Variants in USP7 observed in about 807,000 individuals in gnomAD.
USP7 encodes ubiquitin C-terminal hydrolase 7.
A neutral mutation model predicts 162.9 loss-of-function variants in USP7; 9 were observed. That is an observed-to-expected ratio of 0.06 (90% CI 0.03 to 0.10). The LOEUF (loss-of-function observed/expected upper bound fraction) is 0.10, where lower values mean the gene tolerates loss of function less well. USP7 is among the 10% of genes least tolerant of loss of function. The probability of loss-of-function intolerance (pLI) is 1.00; values close to 1 mark genes in which losing one functional copy is unlikely to be tolerated. For missense variants in USP7, 715 were observed against 1,373.7 expected, an observed-to-expected ratio of 0.52 and a Z score of 7.58; for synonymous variants, 562 against 475.9, an observed-to-expected ratio of 1.18 and a Z score of -2.35.
At chr16:8,930,983 A>AT (rs1304500581) in intron 1 of USP7, among the ~76,000 whole-genome samples, 11 of 151,624 alleles carry the variant, frequency 7.3e-5, no homozygotes, top group Non-Finnish European at 1.6e-4. Flanking sequence ...TAAAAAAAAA[A>AT]AAAAAATCCT....
rs147176623 is a variant in USP7, at chr16:8,903,236, C to G, written c.1839+32G>C. The G allele has an allele frequency of 6.3e-6, 10 of 1,592,420 alleles. No homozygotes were observed. The East Asian group carries it at 2.0e-4, about 32-fold the overall frequency. ...GAAGGAAGGTGGACGTTGGGAGCCA[C>G]GGTGGGGTATATCCACGGGACCGGT... On this transcript the variant is annotated intron_variant, in intron 16 of 30. Transcript: ENST00000344836.
At chr16:8,907,183 C>T (rs1226985166) in intron 12 of USP7, among the ~76,000 whole-genome samples, 2 of 152,232 alleles carry the variant, frequency 1.3e-5, no homozygotes, top group African/African-American at 4.8e-5. Flanking sequence ...GATTCCTAAA[C>T]GATGCCCAAA....
chr16:8,945,932 T>C (rs1190930868), intron 1 of USP7, among the ~76,000 whole-genome samples: 1 of 151,418 alleles, frequency 6.6e-6, no homozygotes, highest in Non-Finnish European at 1.5e-5. Flanking sequence ...GATTGAGAAA[T>C]CACATTACCT....
intron 12 of USP7, among the ~76,000 whole-genome samples, chr16:8,907,945 T>C (rs568692680): frequency 6.6e-6 from 1 of 152,362 alleles, no homozygotes; most frequent in East Asian, 1.9e-4. Flanking sequence ...CAACAAAATA[T>C]TGGAAAATCC....
intron 3 of USP7, among the ~76,000 whole-genome samples, chr16:8,922,514 C>A (rs574909470): frequency 6.6e-6 from 1 of 152,138 alleles, no homozygotes; most frequent in Non-Finnish European, 1.5e-5. Flanking sequence ...TCTGACAGAA[C>A]AGCCAGAGTC....
At chr16:8,942,802 C>G (rs995425887) in intron 1 of USP7, among the ~76,000 whole-genome samples, 1 of 152,312 alleles carries the variant, frequency 6.6e-6, no homozygotes, top group Admixed American at 6.5e-5. Flanking sequence ...CCCAGCTCGG[C>G]CTCCAAAAGT....
chr16:8,930,142 C>G (rs967252841), intron 2 of USP7, 151 bp downstream of exon 2: 2 of 551,224 alleles, frequency 3.6e-6, no homozygotes, highest in African/African-American at 3.9e-5. Flanking sequence ...AACTCAAAAC[C>G]CAAACAGGAT....
At chr16:8,913,392 G>T (rs893609360) in intron 10 of USP7, among the ~76,000 whole-genome samples, 1 of 151,486 alleles carries the variant, frequency 6.6e-6, no homozygotes, top group African/African-American at 2.4e-5. Context: ...GGAGAGAAGA[G>T]AAGTGAAGTG....
chr16:8,951,103 A>T (rs1009987621), intron 1 of USP7, among the ~76,000 whole-genome samples: 3 of 152,252 alleles, frequency 2.0e-5, no homozygotes, highest in Non-Finnish European at 4.4e-5. Context: ...TTCTTCGATC[A>T]GTGACTTAAC....
chr16:8,897,943 G>A (rs1045196993), intron 25 of USP7, among the ~76,000 whole-genome samples: 1 of 151,196 alleles, frequency 6.6e-6, no homozygotes, highest in Non-Finnish European at 1.5e-5. Flanking sequence ...CTTCTGTTTG[G>A]AGCAAGCAGG....
At chr16:8,904,115 G>C (rs1348270425) in intron 15 of USP7, among the ~76,000 whole-genome samples, 2 of 152,138 alleles carry the variant, frequency 1.3e-5, no homozygotes. Context: ...ACAGGGCCAG[G>C]TGTTACAAAT....
intron 1 of USP7, among the ~76,000 whole-genome samples, chr16:8,955,803 T>A (rs932929909): frequency 2.0e-5 from 3 of 151,402 alleles, no homozygotes; most frequent in Non-Finnish European, 4.4e-5. Flanking sequence ...TGCTTGCAAC[T>A]TGAGGTCAAT....
chr16:8,894,533 G>A lies in USP7; in HGVS notation c.3202+17C>T, dbSNP rs777890601. 106 of 1,608,736 alleles carry A rather than the reference G, an allele frequency of 6.6e-5. No homozygotes were observed. The African/African-American group carries it at 8.4e-4, about 13-fold the overall frequency. ...TCTGAAACCCACACCAGCCCCCGGG[G>A]GGGGGAGAACCCTTACCGGGCTGTG... On this transcript the variant is annotated intron_variant, in intron 30 of 30. Transcript: ENST00000344836.
Position 8,897,694 on chromosome 16 carries a change from T to C in USP7, c.2719-595A>G, listed in dbSNP as rs1234469195. On this transcript the variant is annotated intron_variant, in intron 25 of 30. Coordinates refer to ENST00000344836, the MANE Select transcript of USP7 (RefSeq NM_003470.3). Reference sequence around the variant, plus strand: ...CTGGGCAATATAGTGAGACCCTGTCTCTACAAAAAAAAAAAAAAAAAAAAA... The same window carrying C: ...CTGGGCAATATAGTGAGACCCTGTCCCTACAAAAAAAAAAAAAAAAAAAAA... Among the ~76,000 whole-genome samples, 3 of 32,940 alleles carry C rather than the reference T, an allele frequency of 9.1e-5. No individual in the cohort carries two copies. In the East Asian group the frequency reaches 2.7e-3, roughly 30 times the overall value. 21.6% of individuals were successfully genotyped at this position (32,940 alleles called of 152,430 possible).
At position 8,923,366 on chromosome 16, in the gene USP7, A is replaced by G; in HGVS notation, c.232T>C (p.Phe78Leu). ...EATFQFTVER[F>L]SRLSESVLSP... ...AGGACCGACTCACTCAGTCTGCTGA[A>G]GCGCTCCACAGTGAACTGAAAGGTT... The change falls in exon 3 of 31, where the codon TTC (phenylalanine) becomes CTC (leucine). Residue 78 changes from phenylalanine (F) to leucine (L), a missense_variant. This residue lies in a region of USP7 where 137 missense variants were observed against 123.5 expected (regional missense o/e 1.11). Transcript: ENST00000344836. 1 of 1,614,224 alleles carries G rather than the reference A, an allele frequency of 6.2e-7. No homozygotes were observed. Among genetic ancestry groups the G allele is most frequent in the Non-Finnish European group, 8.5e-7 (1 of 1,180,040 alleles).
rs147329800 is a variant in USP7, at chr16:8,906,427, T to G, written c.1427A>C (p.Lys476Thr). ...VVYLNPKGDG[K>T]WCKFDDDVVS... ...TCAGCCCTGGGTCCCACCACTTACTTTGCCATCCCCTTTGGGGTTTAGATA... is the reference window on the plus strand; with the variant it reads ...TCAGCCCTGGGTCCCACCACTTACTGTGCCATCCCCTTTGGGGTTTAGATA... The change falls in exon 13 of 31, where the codon AAA (lysine) becomes ACA (threonine). Residue 476 changes from lysine to threonine, a missense_variant and splice_region_variant. Around this residue, in one of 11 missense-constraint regions of USP7, gnomAD observed 31 missense variants for 135.9 expected, o/e 0.23. Transcript: ENST00000344836. 1.9e-6 allele frequency: 3 copies of G among 1,611,176 alleles called. No homozygotes were observed. The highest frequency in any genetic ancestry group is 2.2e-5 in the East Asian group (1 of 44,868).
intron 7 of USP7, 38 bp downstream of exon 7, chr16:8,916,988 A>T: frequency 1.6e-5 from 23 of 1,483,490 alleles, no homozygotes; most frequent in Non-Finnish European, 1.9e-5. Flanking sequence ...AAAAAAAAAG[A>T]GGAAGCAGAA....
At chr16:8,912,262 G>A (rs2061958957) in intron 10 of USP7, among the ~76,000 whole-genome samples, 1 of 151,932 alleles carries the variant, frequency 6.6e-6, no homozygotes, top group Admixed American at 6.6e-5. Flanking sequence ...GACCACCCTG[G>A]CCAACATGGT....
At chr16:8,938,008 AT>A (rs2141245146) in intron 1 of USP7, among the ~76,000 whole-genome samples, 1 of 152,260 alleles carries the variant, frequency 6.6e-6, no homozygotes, top group Non-Finnish European at 1.5e-5. Flanking sequence ...GCCTTGTACA[AT>A]TCTCAGGTAA....
Sources: allele counts gnomAD v4.1 joint callset (sites outside exome capture counted in the v4.1 genomes callset), GRCh38; gene constraint gnomAD v4.1.1; regional missense constraint gnomAD v4.1.1; transcripts MANE v1.5; gene names NCBI Gene and HGNC (gene_info 2026-07-23, HGNC 2026-07-21).